Variants in GPHN observed in about 807,000 individuals in gnomAD.
GPHN encodes the protein gephyrin.
Under a neutral mutation model 95.5 loss-of-function variants are expected in GPHN, and 17 were observed. The observed-to-expected ratio is 0.18, with a 90% confidence interval of 0.12 to 0.27. The LOEUF is 0.27. Among genes scored for constraint, GPHN ranks in the 10% least tolerant of loss-of-function variants. GPHN has a pLI of 1.00. For synonymous variants in GPHN, 320 were observed against 322.5 expected, an observed-to-expected ratio of 0.99 and a Z score of 0.08; for missense variants, 660 against 978.1, an observed-to-expected ratio of 0.67 and a Z score of 4.34.
At chr14:66,705,535 C>G (rs1261630082) in intron 2 of GPHN, among the ~76,000 whole-genome samples, 1 of 152,142 alleles carries the variant, frequency 6.6e-6, no homozygotes, top group Non-Finnish European at 1.5e-5. Flanking sequence ...GAATGTAACC[C>G]ATCACATAAA....
chr14:67,651,062 C>T, the GPHN span: 1 of 1,083,394 alleles, frequency 9.2e-7, no homozygotes. Context: ...GTAAAGTTTC[C>T]CCTCTATTTT....
At chr14:67,081,395 T>A (rs2076688381) in intron 11 of GPHN, among the ~76,000 whole-genome samples, 1 of 152,216 alleles carries the variant, frequency 6.6e-6, no homozygotes, top group African/African-American at 2.4e-5. Flanking sequence ...ACCATTTGTA[T>A]ATCTTCTTTT....
At chr14:66,707,593 C>T (rs2069203116) in intron 2 of GPHN, among the ~76,000 whole-genome samples, 2 of 152,120 alleles carry the variant, frequency 1.3e-5, no homozygotes, top group African/African-American at 4.8e-5. Flanking sequence ...CATGTTCTCA[C>T]TCTTAAGTGG....
At chr14:66,683,332 ATATATAT>A (rs2067062308) in intron 2 of GPHN, among the ~76,000 whole-genome samples, 1 of 25,918 alleles carries the variant, frequency 3.9e-5, no homozygotes, top group Non-Finnish European at 6.1e-5. Flanking sequence ...ATGTGGAAAT[ATATATAT>A]ATATATATAT....
intron 1 of GPHN, among the ~76,000 whole-genome samples, chr14:66,560,097 A>G (rs2060169201): frequency 6.6e-6 from 1 of 151,952 alleles, no homozygotes; most frequent in Non-Finnish European, 1.5e-5. Flanking sequence ...CCATTGGTCT[A>G]TATCTCTGTT....
intron 2 of GPHN, among the ~76,000 whole-genome samples, chr14:66,736,527 TA>T (rs2072298034): frequency 6.6e-6 from 1 of 151,634 alleles, no homozygotes; most frequent in Non-Finnish European, 1.5e-5. Flanking sequence ...GCCTCCTGAG[TA>T]GCTGGGATTA....
chr14:66,936,383 A>G (rs2067135997), intron 8 of GPHN, among the ~76,000 whole-genome samples: 1 of 152,152 alleles, frequency 6.6e-6, no homozygotes, highest in South Asian at 2.1e-4. Context: ...CTCAAAAAAA[A>G]AAAGAAAGAG....
intron 14 of GPHN, 157 bp downstream of exon 14, chr14:67,110,416 T>A: frequency 1.4e-6 from 1 of 689,776 alleles, no homozygotes; most frequent in Non-Finnish European, 2.6e-6. Flanking sequence ...AGTATATGAG[T>A]CTCCAGTAAA....
the GPHN span, among the ~76,000 whole-genome samples, chr14:67,474,259 AC>A: frequency 9.1e-6 from 1 of 109,344 alleles, no homozygotes; most frequent in Admixed American, 8.5e-5. Flanking sequence ...CTCCAAAAAA[AC>A]AAAACAAAAA....
the GPHN span, among the ~76,000 whole-genome samples, chr14:67,576,731 G>A: frequency 6.6e-6 from 1 of 152,174 alleles, no homozygotes; most frequent in Admixed American, 6.5e-5. The surrounding 1 kb of genome is among the most constrained non-coding windows in gnomAD (Gnocchi z 4.0). Flanking sequence ...GCTTTCCAGG[G>A]ACCTGGGTAA....
chr14:67,435,167 A>C, the GPHN span, among the ~76,000 whole-genome samples: 3 of 152,050 alleles, frequency 2.0e-5, no homozygotes, highest in Non-Finnish European at 2.9e-5. Context: ...GGGTTTCACC[A>C]AGTTGGCCAG....
chr14:67,146,655 A>G (rs1314270483), intron 18 of GPHN, among the ~76,000 whole-genome samples: 1 of 152,216 alleles, frequency 6.6e-6, no homozygotes, highest in African/African-American at 2.4e-5. Context: ...AGGTTTGCCC[A>G]GTTATTTAGC....
chr14:67,179,592 A>G lies in GPHN; in HGVS notation c.2094A>G (p.Val698=), dbSNP rs753557720. 2 of 1,598,488 alleles carry G rather than the reference A, an allele frequency of 1.3e-6. No individual in the cohort carries two copies. The highest frequency in any genetic ancestry group is 2.2e-5 in the South Asian group (2 of 90,778). Reference sequence around the variant, plus strand: ...TTATTCTGTAGTTATCATGTGATGTAAAACTTGATCCTCGTCCAGAATACC... The same window carrying G: ...TTATTCTGTAGTTATCATGTGATGTGAAACTTGATCCTCGTCCAGAATACC... ...TIIKARLSCD[V]KLDPRPEYHR... The change falls in exon 22 of 23, where the codon GTA becomes GTG. Residue 698 remains valine (V), a synonymous_variant. Transcript: ENST00000478722.
intron 4 of GPHN, among the ~76,000 whole-genome samples, chr14:66,861,992 G>C (rs2063042237): frequency 6.6e-6 from 1 of 151,896 alleles, no homozygotes; most frequent in African/African-American, 2.4e-5. Context: ...ATAACGATCA[G>C]AACAGAGATA....
chr14:66,664,304 C>T (rs547521384), intron 1 of GPHN, among the ~76,000 whole-genome samples: 33 of 152,140 alleles, frequency 2.2e-4, no homozygotes, highest in African/African-American at 7.2e-5. Context: ...AGAGCACAAT[C>T]AAATTAGAAC....
chr14:67,238,679 T>C, the GPHN span, among the ~76,000 whole-genome samples: 11 of 152,114 alleles, frequency 7.2e-5, no homozygotes, highest in Non-Finnish European at 1.5e-4. Flanking sequence ...GGTCTCACTC[T>C]ATTGCCCAGG....
At chr14:66,512,568 T>C (rs1373940196) in intron 1 of GPHN, among the ~76,000 whole-genome samples, 1 of 151,794 alleles carries the variant, frequency 6.6e-6, no homozygotes, top group Non-Finnish European at 1.5e-5. Flanking sequence ...TGTAGTAATA[T>C]ACATTTTAAT....
the GPHN span, among the ~76,000 whole-genome samples, chr14:67,186,979 A>C: frequency 6.6e-6 from 1 of 152,326 alleles, no homozygotes; most frequent in East Asian, 1.9e-4. Flanking sequence ...CTAGGAGATG[A>C]GCATTTCAGA....
intron 2 of GPHN, among the ~76,000 whole-genome samples, chr14:66,756,010 C>T (rs977231066): frequency 1.3e-5 from 2 of 152,092 alleles, no homozygotes; most frequent in South Asian, 2.1e-4. Flanking sequence ...ATGTCTTCCT[C>T]TCTTTATTAT....
Sources: gnomAD v4.1 joint callset for allele counts (sites outside exome capture counted in the v4.1 genomes callset) on GRCh38, gnomAD v4.1.1 for gene constraint, Gnocchi (gnomAD v3.1) non-coding constraint, MANE v1.5 for transcripts, NCBI Gene and HGNC (gene_info 2026-07-23, HGNC 2026-07-21) for gene names.